Variants in MAP4 observed in about 807,000 individuals in gnomAD.
MAP4 encodes microtubule associated protein 4, also known as microtubule-associated protein 4.
Under a neutral mutation model 170.2 loss-of-function variants are expected in MAP4, and 76 were observed. The observed-to-expected ratio is 0.45, with a 90% CI of 0.37 to 0.54. MAP4 has a LOEUF of 0.54. Ranked by LOEUF, MAP4 falls within the 20% of genes least tolerant of loss-of-function variation. The pLI, the probability that MAP4 is intolerant of heterozygous loss-of-function variation, is 0.00. For missense variants in MAP4, 2,506 were observed against 2,748.0 expected (o/e 0.91, Z 1.97); for synonymous variants, 909 against 994.5 (o/e 0.91, Z 1.62).
Position 47,911,756 on chromosome 3 carries a change from G to A in MAP4, c.2665C>T (p.Gln889Ter), listed in dbSNP as rs1406063001. 4.6e-6 allele frequency: 7 copies of A among 1,536,086 alleles called. No homozygotes were observed. Among genetic ancestry groups the A allele is most frequent in the Admixed American group, 2.0e-5 (1 of 50,982 alleles). ...EESKSNKSVL[Q>*]NQDKKLLKQH... ...TTCAGCAATTTCTTGTCTTGGTTTT[G>A]TAGTACTGACTTGTTACTTTTGCTC... Residue 889 changes from glutamine to a stop codon, truncating the protein, a stop_gained, in exon 9 of 21, where the codon CAA (glutamine) becomes TAA (stop). Transcript: ENST00000683076. LOFTEE classifies it high-confidence loss of function. The surrounding 1 kb of genome is among the most constrained non-coding windows in gnomAD (Gnocchi z 4.0).
chr3:47,918,932 G>A (rs2100041199), intron 5 of MAP4, 91 bp from the exon 6 acceptor site: 1 of 1,173,768 alleles, frequency 8.5e-7, no homozygotes, highest in South Asian at 1.4e-5. Context: ...GTTTTGTTTT[G>A]TTTGTTTTTT....
At chr3:47,952,269 G>GC (rs1397163939) in intron 3 of MAP4, among the ~76,000 whole-genome samples, 3 of 145,556 alleles carry the variant, frequency 2.1e-5, no homozygotes, top group South Asian at 4.4e-4. Flanking sequence ...GGGGGGGTCA[G>GC]CCCCCCCGCC....
intron 1 of MAP4, among the ~76,000 whole-genome samples, chr3:48,042,598 C>G (rs1339250796): frequency 6.6e-6 from 1 of 151,654 alleles, no homozygotes; most frequent in Non-Finnish European, 1.5e-5. Context: ...TAAAAAAAAA[C>G]AGGTAATGAA....
chr3:47,930,381 C>T (rs1420352040), intron 3 of MAP4, among the ~76,000 whole-genome samples: 1 of 150,286 alleles, frequency 6.7e-6, no homozygotes, highest in Non-Finnish European at 1.5e-5. Flanking sequence ...GGAAGCGGAG[C>T]TTGCAGTGAG....
chr3:47,941,158 G>A (rs367627961), intron 3 of MAP4, among the ~76,000 whole-genome samples: 2 of 136,738 alleles, frequency 1.5e-5, no homozygotes, highest in African/African-American at 2.8e-5. Flanking sequence ...GGATTACAGC[G>A]CCTGGCCAGA....
chr3:48,047,466 G>T (rs1463185090), intron 1 of MAP4, among the ~76,000 whole-genome samples: 3 of 152,078 alleles, frequency 2.0e-5, no homozygotes, highest in African/African-American at 7.2e-5. Flanking sequence ...TTAGGGGTGG[G>T]GAGGAAGCCA....
chr3:47,909,474 T>C lies in MAP4; in HGVS notation c.4947A>G (p.Ser1649=), dbSNP rs765119419. Residue 1649 remains serine, a synonymous_variant, in exon 9 of 21, where the codon TCA becomes TCG. Transcript: ENST00000683076. ...GATCTACCTTCTTATTCAAACTATCTGAACCTTTGGAATTTCTATCTTGAG... is the reference window on the plus strand; with the variant it reads ...GATCTACCTTCTTATTCAAACTATCCGAACCTTTGGAATTTCTATCTTGAG... ...QNAQDRNSKG[S]DSLNKKVDLT... is the part of the protein sequence containing the mutation. The C allele has an allele frequency of 3.1e-6, 5 of 1,613,894 alleles. No homozygotes were observed. Among genetic ancestry groups the C allele is most frequent in the Non-Finnish European group, 4.2e-6 (5 of 1,179,880 alleles).
At chr3:47,892,658 T>TA in intron 10 of MAP4, 1 of 1,367,602 alleles carries the variant, frequency 7.3e-7, no homozygotes, top group Non-Finnish European at 9.4e-7. Flanking sequence ...TAAATGCACT[T>TA]ACAAATGTGA....
intron 2 of MAP4, among the ~76,000 whole-genome samples, chr3:47,998,345 T>C (rs566975301): frequency 1.3e-5 from 2 of 152,194 alleles, no homozygotes; most frequent in Non-Finnish European, 2.9e-5. Flanking sequence ...TTTTCAAAGC[T>C]ACTTTCAGAG....
chr3:48,058,631 T>C (rs2100133537), intron 1 of MAP4, among the ~76,000 whole-genome samples: 1 of 152,208 alleles, frequency 6.6e-6, no homozygotes. Context: ...TTTACCAGAA[T>C]GACCCAAGTA....
At chr3:48,055,235 C>CCCATG (rs1473936142) in intron 1 of MAP4, among the ~76,000 whole-genome samples, 1 of 146,916 alleles carries the variant, frequency 6.8e-6, no homozygotes, top group East Asian at 2.0e-4. Flanking sequence ...TCTCCGTCTC[C>CCCATG]GTCTCCCCAT....
chr3:47,921,764 C>T lies in MAP4; in HGVS notation c.529+1G>A, dbSNP rs2100042976. The T allele has an allele frequency of 3.8e-6, 6 of 1,582,534 alleles. No homozygotes were observed. Among genetic ancestry groups the T allele is most frequent in the Non-Finnish European group, 5.2e-6 (6 of 1,151,616 alleles). On this transcript the variant is annotated splice_donor_variant, in intron 5 of 20. Coordinates refer to ENST00000683076, the MANE Select transcript of MAP4 (RefSeq NM_001385682.1). LOFTEE classifies it high-confidence loss of function. ...AATAAATCCATTTGAAGAAGCCATA[C>T]CGTAACTGTCTTTCAAGGGATCATT...
chr3:47,935,950 A>G (rs1170563914), intron 3 of MAP4, among the ~76,000 whole-genome samples: 1 of 151,362 alleles, frequency 6.6e-6, no homozygotes, highest in Non-Finnish European at 1.5e-5. Context: ...AAAAAAAAAA[A>G]AAAAAAATAT....
At chr3:47,882,529 T>C in intron 10 of MAP4, among the ~76,000 whole-genome samples, 1 of 152,142 alleles carries the variant, frequency 6.6e-6, no homozygotes, top group East Asian at 1.9e-4. Context: ...CTTTTGAGTA[T>C]ATTGCTCTGT....
At chr3:47,904,067 A>T (rs1185597710) in intron 9 of MAP4, among the ~76,000 whole-genome samples, 1 of 152,194 alleles carries the variant, frequency 6.6e-6, no homozygotes, top group Non-Finnish European at 1.5e-5. Context: ...CTTTTTAAGT[A>T]CCTGAAACTT....
chr3:47,900,927 C>T (rs1462159001), intron 10 of MAP4, among the ~76,000 whole-genome samples: 2 of 152,134 alleles, frequency 1.3e-5, no homozygotes, highest in African/African-American at 2.4e-5. Context: ...TTTAGAGGCA[C>T]ACAATACCCC....
intron 3 of MAP4, among the ~76,000 whole-genome samples, chr3:47,947,623 G>C (rs2100060957): frequency 6.6e-6 from 1 of 151,702 alleles, no homozygotes; most frequent in Admixed American, 6.6e-5. Flanking sequence ...GACCAGCCTG[G>C]GCACAATGAA....
At chr3:47,889,875 CCTCCATAAAAAAACGTGTTTTTTAT>C (rs549284572) in intron 10 of MAP4, among the ~76,000 whole-genome samples, 489 of 151,626 alleles carry the variant, frequency 3.2e-3, no homozygotes, top group African/African-American at 9.0e-3. Context: ...AGCTTCTTTG[CCTCCATAAAAAAACGTGTTTTTTAT>C]CTCCATAAAA....
chr3:47,984,256 C>T (rs2100087219), intron 2 of MAP4, among the ~76,000 whole-genome samples: 2 of 152,136 alleles, frequency 1.3e-5, no homozygotes, highest in Admixed American at 6.5e-5. Context: ...CCTCTGCCTC[C>T]CAAAGAGCTA....
Sources: gnomAD v4.1 joint callset for allele counts (sites outside exome capture counted in the v4.1 genomes callset) on GRCh38, gnomAD v4.1.1 for gene constraint, Gnocchi (gnomAD v3.1) non-coding constraint, MANE v1.5 for transcripts, NCBI Gene and HGNC (gene_info 2026-07-23, HGNC 2026-07-21) for gene names.